ATXN1: variants seen among roughly 807,000 people sequenced by gnomAD.
ATXN1 encodes the protein ataxin-1.
ATXN1 carries 8 observed loss-of-function variants against 56.4 expected under a neutral mutation model. The ratio of observed to expected loss-of-function variants is 0.14; its 90% confidence interval spans 0.08 to 0.26. The LOEUF (loss-of-function observed/expected upper bound fraction) is 0.26. Among genes scored for constraint, ATXN1 ranks in the 10% least tolerant of loss-of-function variants. The probability of loss-of-function intolerance (pLI) is 1.00; values close to 1 mark genes in which losing one functional copy is unlikely to be tolerated. For missense variants in ATXN1, 987 were observed against 1,106.5 expected (o/e 0.89, Z 1.53); for synonymous variants, 514 against 494.6 (o/e 1.04, Z -0.52).
intron 6 of ATXN1, among the ~76,000 whole-genome samples, chr6:16,434,852 T>G (rs1759355385): frequency 1.3e-5 from 2 of 152,294 alleles, no homozygotes; most frequent in African/African-American, 2.4e-5. Flanking sequence ...CCTATTTTTA[T>G]ATGTAAAAAA....
chr6:16,592,627 T>C (rs1261327313), intron 3 of ATXN1, among the ~76,000 whole-genome samples: 1 of 152,096 alleles, frequency 6.6e-6, no homozygotes. Flanking sequence ...GGAAGCACTA[T>C]ACAGAAAGCA....
At chr6:16,366,845 G>C (rs1761931843) in intron 6 of ATXN1, among the ~76,000 whole-genome samples, 1 of 151,558 alleles carries the variant, frequency 6.6e-6, no homozygotes. Flanking sequence ...CATGTTACAT[G>C]TTCACAAAAA....
intron 3 of ATXN1, among the ~76,000 whole-genome samples, chr6:16,617,026 G>A (rs886352546): frequency 1.3e-5 from 2 of 151,954 alleles, no homozygotes; most frequent in East Asian, 1.9e-4. Context: ...TGGTGTGTAC[G>A]TACAGGAAAA....
chr6:16,753,663 A>G (rs765099785), intron 1 of ATXN1, among the ~76,000 whole-genome samples: 3 of 152,334 alleles, frequency 2.0e-5, no homozygotes, highest in Non-Finnish European at 4.4e-5. Flanking sequence ...ATCATCTGAT[A>G]AACACATGCT....
chr6:16,752,310 G>A (rs143993556), intron 2 of ATXN1, among the ~76,000 whole-genome samples: 14 of 152,182 alleles, frequency 9.2e-5, no homozygotes, highest in Non-Finnish European at 2.1e-4. Context: ...TGGAAGACCG[G>A]CCGACCCAGG....
chr6:16,456,474 T>G (rs187976295), intron 6 of ATXN1, among the ~76,000 whole-genome samples: 1 of 152,180 alleles, frequency 6.6e-6, no homozygotes, highest in South Asian at 2.1e-4. Context: ...GAGCATTGGT[T>G]TGCCTGGAAC....
intron 3 of ATXN1, among the ~76,000 whole-genome samples, chr6:16,622,831 G>T (rs1454693207): frequency 6.6e-6 from 1 of 152,136 alleles, no homozygotes; most frequent in East Asian, 1.9e-4. Flanking sequence ...AGAGAAAAAC[G>T]AGTTCTAATC....
rs144958549 is a variant in ATXN1 at position 16,662,593 on chromosome 6, C to G, written c.-614-4692G>C. ...AGGTGATCTGCTGGTCTCGGCCTCC[C>G]AAAGTGCTGGGATTACAGGCGTGGG... On this transcript the variant is annotated intron_variant, in intron 2 of 7. Coordinates refer to ENST00000436367, the MANE Select transcript of ATXN1 (RefSeq NM_001128164.2). Among the ~76,000 whole-genome samples the G allele has an allele frequency of 7.5e-4, 114 of 152,352 alleles. No individual in the cohort carries two copies. The East Asian group carries it at 0.021, about 28-fold the overall frequency.
At chr6:16,353,597 C>T (rs9477087) in intron 6 of ATXN1, among the ~76,000 whole-genome samples, 10,176 of 152,178 alleles carry the variant, frequency 0.067, 1,153 homozygotes, top group African/African-American at 0.23. Flanking sequence ...TCACTTGAAC[C>T]TGGGAGGCGG....
intron 2 of ATXN1, among the ~76,000 whole-genome samples, chr6:16,712,800 T>C (rs1759554825): frequency 6.6e-6 from 1 of 151,216 alleles, no homozygotes; most frequent in African/African-American, 2.4e-5. Flanking sequence ...TGGCATCTCA[T>C]CACTGATAAA....
At chr6:16,616,673 T>C (rs2113796491) in intron 3 of ATXN1, among the ~76,000 whole-genome samples, 1 of 146,468 alleles carries the variant, frequency 6.8e-6, no homozygotes, top group Admixed American at 6.9e-5. Flanking sequence ...ATATATATTA[T>C]ATATTAATAA....
At chr6:16,486,623 G>A (rs753816999) in intron 5 of ATXN1, among the ~76,000 whole-genome samples, 3 of 152,022 alleles carry the variant, frequency 2.0e-5, no homozygotes, top group Non-Finnish European at 2.9e-5. Flanking sequence ...CAACTATCCC[G>A]GGAGCATCCA....
At chr6:16,655,186 A>G (rs1758170036) in intron 3 of ATXN1, among the ~76,000 whole-genome samples, 1 of 152,196 alleles carries the variant, frequency 6.6e-6, no homozygotes, top group Non-Finnish European at 1.5e-5. Context: ...AAAGAAAAAC[A>G]AAGGACAGTA....
chr6:16,347,173 C>T (rs575660424), intron 6 of ATXN1, among the ~76,000 whole-genome samples: 3 of 152,238 alleles, frequency 2.0e-5, no homozygotes, highest in Non-Finnish European at 2.9e-5. Flanking sequence ...GAGCGCCGCC[C>T]CCTGCTCCAC....
chr6:16,445,926 T>A (rs1466936364), intron 6 of ATXN1, among the ~76,000 whole-genome samples: 1 of 151,744 alleles, frequency 6.6e-6, no homozygotes, highest in East Asian at 1.9e-4. Context: ...TCTATCATTG[T>A]TGGACATTTG....
intron 6 of ATXN1, among the ~76,000 whole-genome samples, chr6:16,352,618 G>A (rs1260165047): frequency 6.6e-6 from 1 of 151,994 alleles, no homozygotes; most frequent in African/African-American, 2.4e-5. Flanking sequence ...GCACATCGAG[G>A]GCTCCCTTTG....
chr6:16,499,663 T>C (rs1442397675), intron 5 of ATXN1, among the ~76,000 whole-genome samples: 1 of 152,234 alleles, frequency 6.6e-6, no homozygotes, highest in Non-Finnish European at 1.5e-5. Flanking sequence ...CACCCACCCA[T>C]TAAGATTGGC....
At position 16,304,039 on chromosome 6, in the gene ATXN1, C is replaced by G. The variant is rs1422140498; in HGVS notation, c.*2290G>C. 6.6e-6 allele frequency: 1 copy of G among 152,296 alleles called. No homozygotes were observed. The highest frequency in any genetic ancestry group is 1.5e-5 in the Non-Finnish European group (1 of 68,016). The allele number at this position is 152,296 out of a possible 1,614,324, so 9.4% of individuals were successfully genotyped here. A position where few individuals can be genotyped will look rare whatever the true frequency, so the allele number is the denominator to read the frequency against. ...ATGAAATTCGAGGAAAGTCAAGGAA[C>G]TATTCTAGCTATTCTAAACCTATTC... On this transcript the variant is annotated 3_prime_UTR_variant, in exon 8 of 8. Transcript: ENST00000436367.
At chr6:16,754,575 G>A (rs1452301515) in intron 1 of ATXN1, 1 of 152,160 alleles carries the variant, frequency 6.6e-6, no homozygotes, top group Admixed American at 6.5e-5. Context: ...AGCTGGAAAG[G>A]AAAATAACTT....
Sources: gnomAD v4.1 joint callset for allele counts (sites outside exome capture counted in the v4.1 genomes callset) on GRCh38, gnomAD v4.1.1 for gene constraint, MANE v1.5 for transcripts, NCBI Gene and HGNC (gene_info 2026-07-23, HGNC 2026-07-21) for gene names.